PRH1: variants seen among roughly 807,000 people sequenced by gnomAD.
The protein encoded by PRH1 is proline rich protein HaeIII subfamily 1, also known as salivary acidic proline-rich phosphoprotein 1/2.
PRH1 carries 7 observed loss-of-function variants against 7.9 expected under a neutral mutation model. The observed-to-expected ratio is 0.89, with a 90% CI of 0.50 to 1.67. PRH1 has a LOEUF of 1.67. Among genes scored for constraint, PRH1 ranks in the 40% most tolerant of loss-of-function variants. The pLI, the probability that PRH1 is intolerant of heterozygous loss-of-function variation, is 0.00. For missense variants in PRH1, 109 were observed against 223.6 expected, an observed-to-expected ratio of 0.49 and a Z score of 3.27; for synonymous variants, 45 against 80.8, an observed-to-expected ratio of 0.56 and a Z score of 2.38.
intron 1 of PRH1, among the ~76,000 whole-genome samples, chr12:11,037,420 T>G (rs909580493): frequency 6.6e-5 from 10 of 152,234 alleles, no homozygotes; most frequent in Admixed American, 5.9e-4. Context: ...GCCAAAAAAT[T>G]TATAGTAACA....
At chr12:11,169,776 C>G (rs946009793) in intron 1 of PRH1, among the ~76,000 whole-genome samples, 6 of 152,198 alleles carry the variant, frequency 3.9e-5, no homozygotes, top group African/African-American at 1.4e-4. Context: ...TCTTCAGTCT[C>G]TATACCAGTA....
At chr12:10,987,619 T>C (rs1385821463) in intron 1 of PRH1, among the ~76,000 whole-genome samples, 1 of 151,820 alleles carries the variant, frequency 6.6e-6, no homozygotes. Context: ...CTTTCCAAAA[T>C]GGGAAGTAAG....
chr12:10,930,978 C>T, intron 2 of PRH1: 2 of 1,596,944 alleles, frequency 1.3e-6, no homozygotes, highest in East Asian at 4.5e-5. Flanking sequence ...AAGGTCCTCC[C>T]CCACCTCCTC....
chr12:11,058,823 CA>C, intron 1 of PRH1, among the ~76,000 whole-genome samples: 2 of 152,288 alleles, frequency 1.3e-5, no homozygotes, highest in East Asian at 3.9e-4. Context: ...TGCAACTGTG[CA>C]AGTCATATGC....
chr12:10,987,562 G>A (rs1328731845), intron 1 of PRH1, among the ~76,000 whole-genome samples: 3 of 151,888 alleles, frequency 2.0e-5, no homozygotes, highest in Non-Finnish European at 4.4e-5. Flanking sequence ...GAGAGAGAGA[G>A]AGAGACTGTG....
chr12:11,112,346 G>A (rs567557904), intron 1 of PRH1, among the ~76,000 whole-genome samples: 5 of 152,024 alleles, frequency 3.3e-5, no homozygotes, highest in Non-Finnish European at 5.9e-5. Context: ...TAGAGACACA[G>A]CAAAAAGAGA....
chr12:11,130,012 A>ATGGTGT (rs1269721061), intron 1 of PRH1, among the ~76,000 whole-genome samples: 2 of 151,940 alleles, frequency 1.3e-5, no homozygotes, highest in South Asian at 2.1e-4. Flanking sequence ...TTAGCCAGGC[A>ATGGTGT]TGGTGTTGTG....
At chr12:11,150,755 G>T (rs1318896001) in intron 1 of PRH1, among the ~76,000 whole-genome samples, 1 of 152,084 alleles carries the variant, frequency 6.6e-6, no homozygotes, top group Non-Finnish European at 1.5e-5. Context: ...CACCAGCATG[G>T]CTCATGTATA....
At chr12:10,998,304 G>C (rs1017134819) in intron 1 of PRH1, among the ~76,000 whole-genome samples, 1 of 152,018 alleles carries the variant, frequency 6.6e-6, no homozygotes, top group African/African-American at 2.4e-5. Flanking sequence ...TTAATACCCA[G>C]TACATAGATG....
chr12:11,170,720 TTATGTA>T (rs902916430), intron 1 of PRH1, among the ~76,000 whole-genome samples: 1 of 152,250 alleles, frequency 6.6e-6, no homozygotes, highest in African/African-American at 2.4e-5. Flanking sequence ...ATGTATGTCC[TTATGTA>T]TATACGCGTG....
At chr12:10,962,235 T>A (rs370235137) in intron 2 of PRH1, among the ~76,000 whole-genome samples, 157 of 152,346 alleles carry the variant, frequency 1.0e-3, no homozygotes, top group Non-Finnish European at 1.7e-3. Flanking sequence ...AAATATTATA[T>A]AAAAATCACA....
At chr12:10,896,043 C>T (rs140416866) in intron 2 of PRH1, among the ~76,000 whole-genome samples, 75 of 152,294 alleles carry the variant, frequency 4.9e-4, no homozygotes, top group African/African-American at 1.7e-3. Flanking sequence ...AATTAGATTT[C>T]AACTAAATTG....
At chr12:11,021,282 A>C (rs1461348152) in intron 1 of PRH1, among the ~76,000 whole-genome samples, 1 of 152,192 alleles carries the variant, frequency 6.6e-6, no homozygotes, top group Non-Finnish European at 1.5e-5. Flanking sequence ...ATGATAGTTA[A>C]GCACATATAT....
At chr12:11,100,488 C>A (rs961755317) in intron 1 of PRH1, among the ~76,000 whole-genome samples, 6 of 152,166 alleles carry the variant, frequency 3.9e-5, no homozygotes, top group Middle Eastern at 3.2e-3. Context: ...AGCACTGGAT[C>A]TCAAAATGTC....
intron 2 of PRH1, among the ~76,000 whole-genome samples, chr12:10,941,537 TATTTATTATTAAA>T (rs1950400657): frequency 6.7e-6 from 1 of 149,082 alleles, no homozygotes; most frequent in Admixed American, 6.7e-5. Flanking sequence ...TGTTTGAATT[TATTTATTATTAAA>T]ATTTATTATT....
intron 2 of PRH1, among the ~76,000 whole-genome samples, chr12:10,971,301 A>G (rs559447757): frequency 1.3e-5 from 2 of 152,310 alleles, no homozygotes; most frequent in Non-Finnish European, 2.9e-5. Context: ...ATATTTTTGA[A>G]AACTTTATAT....
At chr12:11,150,726 C>T (rs1250291315) in intron 1 of PRH1, among the ~76,000 whole-genome samples, 6 of 152,136 alleles carry the variant, frequency 3.9e-5, no homozygotes, top group Non-Finnish European at 7.4e-5. Context: ...TGCTAAATGA[C>T]GAGTTAATGG....
At chr12:11,061,950 G>T in intron 1 of PRH1, 2 of 1,613,970 alleles carry the variant, frequency 1.2e-6, no homozygotes, top group South Asian at 1.1e-5. Context: ...GAAAAATAAG[G>T]TTGGAGAAAT....
At chr12:10,909,385 G>C (rs987558219) in intron 2 of PRH1, 122 of 898,186 alleles carry the variant, frequency 1.4e-4, no homozygotes, top group Non-Finnish European at 1.9e-4. Context: ...GTGTCCAGTG[G>C]AGTTCTTCTT....
Sources: gnomAD v4.1 joint callset for allele counts (sites outside exome capture counted in the v4.1 genomes callset) on GRCh38, gnomAD v4.1.1 for gene constraint, MANE v1.5 for transcripts, NCBI Gene and HGNC (gene_info 2026-07-23, HGNC 2026-07-21) for gene names.